Variants in ZMAT1 observed in about 807,000 individuals in gnomAD.
ZMAT1 encodes zinc finger matrin-type protein 1.
In ZMAT1, 11 loss-of-function variants were observed where a neutral mutation model predicts 18.5. The ratio of observed to expected loss-of-function variants is 0.59; its 90% CI spans 0.37 to 0.98. The LOEUF (loss-of-function observed/expected upper bound fraction) is 0.98. Ranked by LOEUF, ZMAT1 falls within the 50% of genes least tolerant of loss-of-function variation. The pLI is 0.01. For missense variants in ZMAT1, 525 were observed against 496.2 expected (o/e 1.06, Z -0.55); for synonymous variants, 211 against 176.4 (o/e 1.20, Z -1.55).
Position 101,898,153 on chromosome X carries a change from C to A in ZMAT1, c.467G>T (p.Gly156Val). 8.3e-7 allele frequency: 1 copy of A among 1,211,135 alleles called. No homozygotes were observed. ...CTCAACATGCATCTTCATTTTCTTA[C>A]CAGGCACTTCATTTTGTTCCCCATG... is the stretch of plus-strand genomic sequence containing the variant. ...QMHGEQNEVP[G>V]KKMKMHVENF... Residue 156 changes from glycine (G) to valine (V), a missense_variant, in exon 3 of 6, where the codon GGT becomes GTT. Transcript: ENST00000651725.
rs763759457 is a variant in ZMAT1, at chrX:101,897,107, C to T, written c.676+761G>A. On this transcript the variant is annotated intron_variant, in intron 4 of 5. Transcript: ENST00000651725. ...GAGATAATGTTTTGGAAAATACTAACGCAAAAAAGACGCCAAGGGGAAGAA... is the reference window on the plus strand; with the variant it reads ...GAGATAATGTTTTGGAAAATACTAATGCAAAAAAGACGCCAAGGGGAAGAA... 5.5e-5 allele frequency among the ~76,000 whole-genome samples: 6 copies of T among 108,582 alleles called. No homozygotes were observed. The South Asian group carries it at 1.2e-3, about 22-fold the overall frequency. The allele number at this position is 108,582 out of a possible 115,157, so 94.3% of individuals were successfully genotyped here.
Position 101,928,314 on chromosome X carries a change from A to C in ZMAT1, c.292+3403T>G, listed in dbSNP as rs755923648. ...CACACACACATAGAAGTGTTCAATAAATGATTCCTGAATACATGAAAGGTT... is the reference window on the plus strand; with the variant it reads ...CACACACACATAGAAGTGTTCAATACATGATTCCTGAATACATGAAAGGTT... On this transcript the variant is annotated intron_variant, in intron 1 of 5. Transcript: ENST00000651725. Among the ~76,000 whole-genome samples, 9 of 112,566 alleles carry C rather than the reference A, an allele frequency of 8.0e-5. No individual in the cohort carries two copies. In the South Asian group the frequency reaches 3.3e-3, roughly 41 times the overall value.
chrX:101,924,626 A>G (rs1929946197), intron 1 of ZMAT1, among the ~76,000 whole-genome samples: 1 of 112,073 alleles, frequency 8.9e-6, no homozygotes, highest in African/African-American at 3.2e-5. Flanking sequence ...ATATCTGATA[A>G]TGAAGTAAGG....
At position 101,882,590 on chromosome X, in the gene ZMAT1, G is replaced by A. The variant is rs755370233; in HGVS notation, c.*920C>T. On this transcript the variant is annotated 3_prime_UTR_variant, in exon 6 of 6. Transcript: ENST00000651725. ...CCAAGGAAAGAACTGATTTTGTAAC[G>A]CTTGGTAATTCTGTCCTTTAAAATA... 2 of 111,554 alleles carry A rather than the reference G, an allele frequency of 1.8e-5. No individual in the cohort carries two copies. Among genetic ancestry groups the A allele is most frequent in the African/African-American group, 6.5e-5 (2 of 30,749 alleles). The allele number at this position is 111,554 out of a possible 1,213,427, so 9.2% of individuals were successfully genotyped here.
At position 101,931,795 on chromosome X, in the gene ZMAT1, AGCCGCCGCC is replaced by A. The variant is rs895746763; in HGVS notation, c.205_213del (p.Gly69_Gly71del). 9.0e-6 allele frequency: 7 copies of A among 780,435 alleles called. No individual in the cohort carries two copies. In the East Asian group the frequency reaches 5.9e-4, roughly 65 times the overall value. 64.3% of individuals were successfully genotyped at this position (780,435 alleles called of 1,213,427 possible). A position where few individuals can be genotyped will look rare whatever the true frequency, so the allele number is the denominator to read the frequency against. On this transcript the variant is annotated inframe_deletion, in exon 1 of 6. Coordinates refer to ENST00000651725, the MANE Select transcript of ZMAT1 (RefSeq NM_001394560.1). ...GCCGCCGCCATAGTGGAGCCGCCAA[AGCCGCCGCC>A]GCCGCCGTCGCCACAGCCACCGGCA...
intron 4 of ZMAT1, chrX:101,887,851 A>G (rs1207422129): frequency 3.6e-5 from 4 of 111,788 alleles, no homozygotes; most frequent in African/African-American, 1.3e-4. Flanking sequence ...CTTTCTGATT[A>G]TAATTGGTTT....
chrX:101,887,730 C>A (rs149198586), intron 4 of ZMAT1: 6,198 of 111,141 alleles, frequency 0.056, 184 homozygotes, highest in Non-Finnish European at 0.077. Flanking sequence ...AGGCTGCACA[C>A]TACTGGCTAT....
chrX:101,904,898 T>C (rs776090145), intron 1 of ZMAT1, among the ~76,000 whole-genome samples: 78 of 111,910 alleles, frequency 7.0e-4, no homozygotes, highest in Non-Finnish European at 1.0e-3. Context: ...TGAGCTATGA[T>C]TGTGCCTTCC....
chrX:101,892,201 A>C, intron 4 of ZMAT1, among the ~76,000 whole-genome samples: 1 of 111,626 alleles, frequency 9.0e-6, no homozygotes, highest in South Asian at 3.7e-4. Flanking sequence ...CAAGACTCTG[A>C]AAACATACCC....
In ZMAT1 at chrX:101,928,304, G is replaced by A. The variant is rs1930177041; in HGVS notation, c.292+3413C>T. Among the ~76,000 whole-genome samples, 7 of 112,549 alleles carry A rather than the reference G, an allele frequency of 6.2e-5. No homozygotes were observed. In the South Asian group the frequency reaches 2.6e-3, roughly 41 times the overall value. On this transcript the variant is annotated intron_variant, in intron 1 of 5. Transcript: ENST00000651725. Reference sequence around the variant, plus strand: ...TAGTGCCTGGCACACACACATAGAAGTGTTCAATAAATGATTCCTGAATAC... The same window carrying A: ...TAGTGCCTGGCACACACACATAGAAATGTTCAATAAATGATTCCTGAATAC...
intron 1 of ZMAT1, among the ~76,000 whole-genome samples, chrX:101,919,085 C>T (rs1929552275): frequency 9.0e-6 from 1 of 111,264 alleles, no homozygotes; most frequent in Admixed American, 9.6e-5. Context: ...TTCTTCTCCC[C>T]AGAAAATTAT....
chrX:101,931,877 TGCCGCCGCC>T lies in ZMAT1; in HGVS notation c.123_131del (p.Ala42_Ala44del), dbSNP rs755259738. 201 of 794,339 alleles carry T rather than the reference TGCCGCCGCC, an allele frequency of 2.5e-4. No individual in the cohort carries two copies. The highest frequency in any genetic ancestry group is 2.6e-4 in the Non-Finnish European group (177 of 669,335). 65.5% of individuals were successfully genotyped at this position (794,339 alleles called of 1,213,427 possible). ...TGGCGGAGGAGGCAGGAACAATTAC[TGCCGCCGCC>T]GCCGCCGCCGCCGCCGCTGCCGCGC... is the stretch of plus-strand genomic sequence containing the variant. On this transcript the variant is annotated inframe_deletion, in exon 1 of 6. Transcript: ENST00000651725.
intron 2 of ZMAT1, 42 bp downstream of exon 2, chrX:101,904,182 A>C: frequency 9.8e-7 from 1 of 1,016,958 alleles, no homozygotes; most frequent in Middle Eastern, 2.6e-4. Flanking sequence ...TGCTACATTT[A>C]AAAACCTGCT....
At chrX:101,916,694 T>C (rs1245394968) in intron 1 of ZMAT1, among the ~76,000 whole-genome samples, 1 of 111,514 alleles carries the variant, frequency 9.0e-6, no homozygotes, top group Non-Finnish European at 1.9e-5. Flanking sequence ...TCTCAAAATT[T>C]ATATGGAACT....
chrX:101,911,600 T>C, intron 1 of ZMAT1: 1 of 1,170,703 alleles, frequency 8.5e-7, no homozygotes, highest in Non-Finnish European at 1.2e-6. Context: ...AGCAAGGCAT[T>C]CAGTCACAGC....
In ZMAT1 at chrX:101,931,869, A is replaced by G; in HGVS notation, c.140T>C (p.Val47Ala). 1.3e-6 allele frequency: 1 copy of G among 797,920 alleles called. No homozygotes were observed. The highest frequency in any genetic ancestry group is 1.5e-6 in the Non-Finnish European group (1 of 671,171). The allele number at this position is 797,920 out of a possible 1,213,427, so 65.8% of individuals were successfully genotyped here. A position where few individuals can be genotyped will look rare whatever the true frequency, so the allele number is the denominator to read the frequency against. Residue 47 changes from valine to alanine, a missense_variant, in exon 1 of 6, where the codon GTT becomes GCT. By Grantham distance (64) the Val-to-Ala change is moderately conservative. Transcript: ENST00000651725. ...AAAAAAAAVI[V>A]PASSATSAPA... ...GGCGGAGGTGGCGGAGGAGGCAGGA[A>G]CAATTACTGCCGCCGCCGCCGCCGC... is the stretch of plus-strand genomic sequence containing the variant.
At chrX:101,930,881 G>A (rs1475785488) in intron 1 of ZMAT1, among the ~76,000 whole-genome samples, 1 of 112,138 alleles carries the variant, frequency 8.9e-6, no homozygotes, top group African/African-American at 3.2e-5. Context: ...CGCTTATATT[G>A]ATACAGTCAA....
chrX:101,923,195 A>G (rs1167158637), intron 1 of ZMAT1, among the ~76,000 whole-genome samples: 1 of 111,745 alleles, frequency 8.9e-6, no homozygotes, highest in East Asian at 2.8e-4. Flanking sequence ...AAATAAATCT[A>G]TTTTTATTGG....
intron 1 of ZMAT1, chrX:101,912,153 CAT>C (rs1391482739): frequency 4.1e-6 from 3 of 734,640 alleles, no homozygotes; most frequent in African/African-American, 4.3e-5. Context: ...CAATCATACA[CAT>C]GAGAAACGTA....
Sources: gnomAD v4.1 joint callset for allele counts (sites outside exome capture counted in the v4.1 genomes callset) on GRCh38, gnomAD v4.1.1 for gene constraint, MANE v1.5 for transcripts, NCBI Gene and HGNC (gene_info 2026-07-23, HGNC 2026-07-21) for gene names.